DPP10: variants seen among roughly 807,000 people sequenced by gnomAD.
DPP10 encodes dipeptidyl peptidase like 10.
Under a neutral mutation model 120.9 loss-of-function variants are expected in DPP10, and 33 were observed. That is an observed-to-expected ratio of 0.27 (90% CI 0.21 to 0.37). The LOEUF (loss-of-function observed/expected upper bound fraction) is 0.37. DPP10 is among the 10% of genes least tolerant of loss of function. DPP10 has a pLI of 1.00. For synonymous variants in DPP10, 337 were observed against 326.1 expected, an observed-to-expected ratio of 1.03 and a Z score of -0.36; for missense variants, 816 against 942.8, an observed-to-expected ratio of 0.87 and a Z score of 1.76.
At chr2:115,750,905 TTC>T (rs1199150298) in intron 10 of DPP10, among the ~76,000 whole-genome samples, 1 of 152,194 alleles carries the variant, frequency 6.6e-6, no homozygotes. Context: ...AATGTTTAAA[TTC>T]TGTTTTGTTG....
chr2:114,885,964 C>T (rs1055537706), intron 1 of DPP10, among the ~76,000 whole-genome samples: 8 of 151,992 alleles, frequency 5.3e-5, no homozygotes, highest in Admixed American at 2.0e-4. Flanking sequence ...ATATAATGTG[C>T]GAAGAGTTCT....
chr2:114,868,449 T>C (rs932969181), intron 1 of DPP10, among the ~76,000 whole-genome samples: 1 of 152,122 alleles, frequency 6.6e-6, no homozygotes, highest in Non-Finnish European at 1.5e-5. Context: ...CTCTTAAGAG[T>C]AATTTTATTT....
intron 3 of DPP10, among the ~76,000 whole-genome samples, chr2:115,360,914 A>G (rs1302109615): frequency 6.6e-6 from 1 of 152,124 alleles, no homozygotes; most frequent in Non-Finnish European, 1.5e-5. Flanking sequence ...TGTGGTACCC[A>G]GGGCCTAGAG....
chr2:115,757,889 A>T (rs1679625770), intron 11 of DPP10, among the ~76,000 whole-genome samples: 1 of 152,166 alleles, frequency 6.6e-6, no homozygotes, highest in South Asian at 2.1e-4. Flanking sequence ...GAATAACAAG[A>T]AACATCCCCA....
intron 1 of DPP10, among the ~76,000 whole-genome samples, chr2:115,186,324 C>A (rs143909881): frequency 1.3e-5 from 2 of 152,162 alleles, no homozygotes; most frequent in African/African-American, 4.8e-5. Context: ...ATAGACTGAA[C>A]ATTATACACC....
At chr2:114,603,538 G>T (rs1304831366) in intron 1 of DPP10, among the ~76,000 whole-genome samples, 6 of 152,014 alleles carry the variant, frequency 3.9e-5, no homozygotes, top group African/African-American at 1.4e-4. Flanking sequence ...GCAAATGTTG[G>T]TGGTCCTGAC....
intron 1 of DPP10, among the ~76,000 whole-genome samples, chr2:114,759,415 G>A (rs1195694239): frequency 6.6e-6 from 1 of 151,848 alleles, no homozygotes; most frequent in Non-Finnish European, 1.5e-5. Flanking sequence ...GTGGAACTCA[G>A]TATATTTACT....
chr2:114,975,704 GC>G (rs1699710973), intron 1 of DPP10, among the ~76,000 whole-genome samples: 1 of 152,118 alleles, frequency 6.6e-6, no homozygotes, highest in African/African-American at 2.4e-5. Flanking sequence ...AGGCTGGAGT[GC>G]AGTGGTGCAA....
Position 115,836,119 on chromosome 2 carries a change from G to GAT in DPP10, c.1951-15_1951-14dup, listed in dbSNP as rs34212292. On this transcript the variant is annotated intron_variant, in intron 21 of 25. Transcript: ENST00000410059. Reference sequence around the variant, plus strand: ...TGTGTATGTGTGTGTGTGTGTGTGAGATATATATATATATATATATATATT... The same window carrying GAT: ...TGTGTATGTGTGTGTGTGTGTGTGAGATATATATATATATATATATATATATT... 2.2e-3 allele frequency: 1,586 copies of GAT among 730,774 alleles called. 17 individuals are homozygous for GAT. In the African/African-American group the frequency reaches 0.026, roughly 12 times the overall value. The allele number at this position is 730,774 out of a possible 1,614,324, so 45.3% of individuals were successfully genotyped here.
intron 21 of DPP10, among the ~76,000 whole-genome samples, chr2:115,825,094 G>A (rs545961091): frequency 6.6e-6 from 1 of 152,200 alleles, no homozygotes; most frequent in African/African-American, 2.4e-5. Flanking sequence ...ACGTAAAATG[G>A]GACCTAATGA....
intron 1 of DPP10, among the ~76,000 whole-genome samples, chr2:114,957,174 C>T (rs903986307): frequency 2.6e-5 from 4 of 151,830 alleles, no homozygotes; most frequent in African/African-American, 9.7e-5. Flanking sequence ...TTGCAAACCA[C>T]ACATCTAATA....
chr2:114,505,169 T>TAA (rs1184481894), intron 1 of DPP10, among the ~76,000 whole-genome samples: 2 of 142,112 alleles, frequency 1.4e-5, no homozygotes, highest in Non-Finnish European at 3.1e-5. Context: ...CAAAACAAAA[T>TAA]AAAAAAATAT....
intron 21 of DPP10, among the ~76,000 whole-genome samples, chr2:115,832,621 T>A (rs1264140188): frequency 1.3e-5 from 2 of 152,236 alleles, no homozygotes; most frequent in East Asian, 3.8e-4. Flanking sequence ...CATAAAGACT[T>A]AGAAAATATT....
intron 1 of DPP10, among the ~76,000 whole-genome samples, chr2:114,507,188 C>T (rs1233274306): frequency 3.3e-5 from 5 of 151,862 alleles, no homozygotes; most frequent in Non-Finnish European, 7.4e-5. Flanking sequence ...GCTGAGACTA[C>T]AGGCATGCAC....
chr2:115,335,594 T>C (rs999043266), intron 2 of DPP10, among the ~76,000 whole-genome samples: 7 of 152,000 alleles, frequency 4.6e-5, no homozygotes, highest in Non-Finnish European at 1.0e-4. Context: ...TAAAACAAAA[T>C]CTTAGGATCT....
At chr2:115,452,724 T>C (rs927691669) in intron 3 of DPP10, among the ~76,000 whole-genome samples, 2 of 151,938 alleles carry the variant, frequency 1.3e-5, no homozygotes, top group African/African-American at 4.8e-5. Flanking sequence ...TCATTTGTTC[T>C]TACCCAACTT....
intron 7 of DPP10, among the ~76,000 whole-genome samples, chr2:115,709,966 T>C (rs1266971767): frequency 6.6e-6 from 1 of 152,004 alleles, no homozygotes; most frequent in African/African-American, 2.4e-5. Context: ...TCAAGGATAA[T>C]CCCTCAAAAG....
chr2:115,836,338 G>A (rs2150120858), intron 22 of DPP10, 82 bp downstream of exon 22: 1 of 1,408,296 alleles, frequency 7.1e-7, no homozygotes, highest in Non-Finnish European at 9.8e-7. Flanking sequence ...GCTCAATTGA[G>A]CTCATTTATC....
At chr2:115,093,615 A>C (rs901945917) in intron 1 of DPP10, among the ~76,000 whole-genome samples, 1 of 152,188 alleles carries the variant, frequency 6.6e-6, no homozygotes, top group African/African-American at 2.4e-5. Context: ...TGAGTGAATA[A>C]ATGAATGACA....
Sources: gnomAD v4.1 joint callset for allele counts (sites outside exome capture counted in the v4.1 genomes callset) on GRCh38, gnomAD v4.1.1 for gene constraint, MANE v1.5 for transcripts, NCBI Gene and HGNC (gene_info 2026-07-23, HGNC 2026-07-21) for gene names.